PTPRN2: variants seen among roughly 807,000 people sequenced by gnomAD.
PTPRN2 encodes receptor-type tyrosine-protein phosphatase N2.
Under a neutral mutation model 118.8 loss-of-function variants are expected in PTPRN2, and 74 were observed. That is an observed-to-expected ratio of 0.62 (90% confidence interval 0.52 to 0.76). PTPRN2 has a LOEUF of 0.76. PTPRN2 is among the 30% of genes least tolerant of loss of function. The pLI, the probability that PTPRN2 is intolerant of heterozygous loss-of-function variation, is 0.00. For missense variants in PTPRN2, 1,481 were observed against 1,394.4 expected, an observed-to-expected ratio of 1.06 and a Z score of -0.99; for synonymous variants, 641 against 608.0, an observed-to-expected ratio of 1.05 and a Z score of -0.80.
intron 22 of PTPRN2, among the ~76,000 whole-genome samples, chr7:157,547,953 C>T (rs575990274): frequency 4.6e-5 from 7 of 151,244 alleles, no homozygotes; most frequent in South Asian, 2.1e-4. Context: ...TGGGGGGGCG[C>T]GTAGGGCATC....
intron 3 of PTPRN2, among the ~76,000 whole-genome samples, chr7:158,250,038 G>C (rs572716809): frequency 2.0e-5 from 3 of 152,152 alleles, no homozygotes; most frequent in Non-Finnish European, 4.4e-5. Flanking sequence ...TCCTACACTT[G>C]ACACTCAGAT....
intron 11 of PTPRN2, among the ~76,000 whole-genome samples, chr7:158,013,801 C>A (rs1192243791): frequency 2.6e-5 from 3 of 114,714 alleles, no homozygotes; most frequent in Non-Finnish European, 5.4e-5. Flanking sequence ...CCACCCCATC[C>A]ATCCACCCAC....
chr7:158,208,556 A>C (rs754800943), intron 3 of PTPRN2, among the ~76,000 whole-genome samples: 1 of 152,246 alleles, frequency 6.6e-6, no homozygotes, highest in Non-Finnish European at 1.5e-5. Context: ...TATCCAACAA[A>C]AATGCATTTC....
In PTPRN2 at chr7:158,077,000, T is replaced by C. The variant is rs1021505531; in HGVS notation, c.1723+4298A>G. On this transcript the variant is annotated intron_variant, in intron 11 of 22. Coordinates refer to ENST00000389418, the MANE Select transcript of PTPRN2 (RefSeq NM_002847.5). ...GTTAAGGCTGGCTGGATTGTAAGTA[T>C]GTGTTATAAAGGAATTCACTTCACT... 4.6e-5 allele frequency among the ~76,000 whole-genome samples: 7 copies of C among 152,258 alleles called. No individual in the cohort carries two copies. In the East Asian group the frequency reaches 9.6e-4, roughly 21 times the overall value.
At chr7:158,290,027 A>G (rs996991554) in intron 3 of PTPRN2, among the ~76,000 whole-genome samples, 5 of 152,126 alleles carry the variant, frequency 3.3e-5, no homozygotes, top group African/African-American at 1.2e-4. Flanking sequence ...TTAAGGCAGG[A>G]CTGGTGCTAG....
In PTPRN2 at chr7:157,583,022, C is replaced by T. The variant is rs867387011; in HGVS notation, c.2497-4882G>A. On this transcript the variant is annotated intron_variant, in intron 17 of 22. Transcript: ENST00000389418. The surrounding 1 kb of genome is among the most constrained non-coding windows in gnomAD (Gnocchi z 5.5). The stretch of plus-strand genomic sequence containing the variant: ...CAGTGTGTGGAAGGGACATCAGCAC[C>T]CCTTTGTTTATTGCAGAACTATTCA... 4.6e-5 allele frequency among the ~76,000 whole-genome samples: 7 copies of T among 152,080 alleles called. No individual in the cohort carries two copies. The highest frequency in any genetic ancestry group is 1.7e-4 in the African/African-American group (7 of 41,416).
chr7:157,886,648 G>A (rs1223972998), intron 12 of PTPRN2, among the ~76,000 whole-genome samples: 1 of 152,244 alleles, frequency 6.6e-6, no homozygotes, highest in Non-Finnish European at 1.5e-5. Flanking sequence ...TACGTCAAGT[G>A]CAGTTAATTA....
At chr7:157,544,571 G>C (rs1394343782) in intron 22 of PTPRN2, among the ~76,000 whole-genome samples, 1 of 152,240 alleles carries the variant, frequency 6.6e-6, no homozygotes, top group Non-Finnish European at 1.5e-5. Flanking sequence ...CCCGTCCAGT[G>C]AGGAGGGCAT....
Position 157,763,845 on chromosome 7 carries a change from T to C in PTPRN2, c.1789-80908A>G, listed in dbSNP as rs1216999129. On this transcript the variant is annotated intron_variant, in intron 12 of 22. Transcript: ENST00000389418. This position sits in a 1 kb window ranked among gnomAD's most constrained non-coding sequence, Gnocchi z 4.9. ...CCTCTGCTGTGTGGCCACTGCCCCA[T>C]GTGGCTGCCCCATCCCCCAGAGCAC... Among the ~76,000 whole-genome samples, 2 of 152,066 alleles carry C rather than the reference T, an allele frequency of 1.3e-5. No individual in the cohort carries two copies. Among genetic ancestry groups the C allele is most frequent in the Admixed American group, 6.5e-5 (1 of 15,272 alleles).
intron 12 of PTPRN2, among the ~76,000 whole-genome samples, chr7:157,783,075 T>C (rs1803781668): frequency 1.3e-5 from 2 of 152,156 alleles, no homozygotes; most frequent in South Asian, 4.1e-4. Flanking sequence ...ATCATGGGCT[T>C]TTCCCCCTTT....
chr7:157,957,783 A>G (rs11773154), intron 11 of PTPRN2, among the ~76,000 whole-genome samples: 125,729 of 152,018 alleles, frequency 0.83, 52,583 homozygotes, highest in East Asian at 0.9. Context: ...TCCTGCAGTC[A>G]CTGGTTTGAT....
rs750140096 is a variant in PTPRN2, at chr7:158,071,747, C to CCTGGTGG, written c.1723+9550_1723+9551insCCACCAG. ...AGGTGCTCGTGGTGGTGGAGGTGCT[C>CCTGGTGG]ATGGTGGAGGTGCTCGTGGTGATGG... On this transcript the variant is annotated intron_variant, in intron 11 of 22. Coordinates refer to ENST00000389418, the MANE Select transcript of PTPRN2 (RefSeq NM_002847.5). Among the ~76,000 whole-genome samples, 19 of 74,854 alleles carry CCTGGTGG rather than the reference C, an allele frequency of 2.5e-4. 1 individual carries two copies. Among genetic ancestry groups the CCTGGTGG allele is most frequent in the African/African-American group, 1.6e-3 (15 of 9,582 alleles). The allele number at this position is 74,854 out of a possible 152,430, so 49.1% of individuals were successfully genotyped here.
chr7:158,516,011 AC>A (rs1823529403), intron 1 of PTPRN2, among the ~76,000 whole-genome samples: 1 of 151,634 alleles, frequency 6.6e-6, no homozygotes, highest in African/African-American at 2.4e-5. Context: ...CCCCCTCCCC[AC>A]CTACCATGAT....
chr7:158,164,307 A>C (rs894517052), intron 6 of PTPRN2, among the ~76,000 whole-genome samples: 3 of 149,202 alleles, frequency 2.0e-5, no homozygotes, highest in African/African-American at 7.5e-5. Context: ...CACGCAGAGC[A>C]GGAGCGCGTG....
chr7:158,478,800 T>C (rs1173909392), intron 2 of PTPRN2, among the ~76,000 whole-genome samples: 1 of 152,174 alleles, frequency 6.6e-6, no homozygotes, highest in Non-Finnish European at 1.5e-5. Flanking sequence ...GCAACTTGTG[T>C]GGCAGACACG....
At chr7:157,847,070 C>G (rs1470369782) in intron 12 of PTPRN2, among the ~76,000 whole-genome samples, 18 of 128,624 alleles carry the variant, frequency 1.4e-4, no homozygotes, top group African/African-American at 5.2e-4. Flanking sequence ...ATTACATCTT[C>G]TGTGCCCGAT....
intron 2 of PTPRN2, among the ~76,000 whole-genome samples, chr7:158,424,202 G>A (rs1167648163): frequency 2.0e-5 from 3 of 152,148 alleles, no homozygotes; most frequent in Non-Finnish European, 4.4e-5. Flanking sequence ...CCAGAGAGGG[G>A]AGGCACCTGG....
Position 158,110,858 on chromosome 7 carries a change from C to A in PTPRN2, c.1614G>T (p.Gln538His). Reference sequence around the variant, plus strand: ...CGTCAGCGAACGCACTGCTGGGCACCTGCAGGAGGCGGGCGACGTCCTCCA... The same window carrying A: ...CGTCAGCGAACGCACTGCTGGGCACATGCAGGAGGCGGGCGACGTCCTCCA... ...RLVEDVARLL[Q>H]VPSSAFADVE... The change falls in exon 10 of 23, where the codon CAG becomes CAT. Residue 538 changes from glutamine (Q) to histidine (H), a missense_variant. Coordinates refer to ENST00000389418, the MANE Select transcript of PTPRN2 (RefSeq NM_002847.5). 6.3e-7 allele frequency: 1 copy of A among 1,589,720 alleles called. No homozygotes were observed. Among genetic ancestry groups the A allele is most frequent in the East Asian group, 2.3e-5 (1 of 44,036 alleles).
In PTPRN2 at chr7:157,953,313, G is replaced by A. The variant is rs970048351; in HGVS notation, c.1724-54576C>T. Among the ~76,000 whole-genome samples, 3 of 152,306 alleles carry A rather than the reference G, an allele frequency of 2.0e-5. No individual in the cohort carries two copies. The highest frequency in any genetic ancestry group is 2.9e-5 in the Non-Finnish European group (2 of 68,022). On this transcript the variant is annotated intron_variant, in intron 11 of 22. Coordinates refer to ENST00000389418, the MANE Select transcript of PTPRN2 (RefSeq NM_002847.5). The surrounding 1 kb of genome is among the most constrained non-coding windows in gnomAD (Gnocchi z 4.6). ...TAGGGCCTGTGTCTCTGGAGTGCACGAGGCAGATGGATGGAGACGTGGGAG... is the reference window on the plus strand; with the variant it reads ...TAGGGCCTGTGTCTCTGGAGTGCACAAGGCAGATGGATGGAGACGTGGGAG...
Sources: gnomAD v4.1 joint callset for allele counts (sites outside exome capture counted in the v4.1 genomes callset) on GRCh38, gnomAD v4.1.1 for gene constraint, Gnocchi (gnomAD v3.1) non-coding constraint, MANE v1.5 for transcripts, NCBI Gene and HGNC (gene_info 2026-07-23, HGNC 2026-07-21) for gene names.